STAT3: variants seen among roughly 807,000 people sequenced by gnomAD.
The protein encoded by STAT3 is signal transducer and activator of transcription 3.
A neutral mutation model predicts 114.3 loss-of-function variants in STAT3; 7 were observed. The ratio of observed to expected loss-of-function variants is 0.06; its 90% CI spans 0.03 to 0.11. The LOEUF is 0.11. STAT3 is among the 10% of genes least tolerant of loss of function. The pLI is 1.00. For synonymous variants in STAT3, 331 were observed against 354.5 expected (o/e 0.93, Z 0.74); for missense variants, 364 against 960.9 (o/e 0.38, Z 8.21).
chr17:42,341,376 C>T (rs1044277246), intron 4 of STAT3, among the ~76,000 whole-genome samples: 5 of 152,258 alleles, frequency 3.3e-5, no homozygotes, highest in African/African-American at 9.6e-5. Context: ...CACTCTCTTC[C>T]CACCCGCTAT....
At position 42,346,443 on chromosome 17, in the gene STAT3, G is replaced by A. The variant is rs2291281; in HGVS notation, c.273+126C>T. 4.0e-4 allele frequency: 565 copies of A among 1,402,786 alleles called. 6 individuals are homozygous for A. In the East Asian group the frequency reaches 0.013, roughly 31 times the overall value. The allele number at this position is 1,402,786 out of a possible 1,614,324, so 86.9% of individuals were successfully genotyped here. A position where few individuals can be genotyped will look rare whatever the true frequency, so the allele number is the denominator to read the frequency against. ...TGAGAAAGGGCTAATTACTTCTCCT[G>A]TGATTGAAAATACAAGATAGATTCT... is the stretch of plus-strand genomic sequence containing the variant. On this transcript the variant is annotated intron_variant, in intron 3 of 23. Coordinates refer to ENST00000264657, the MANE Select transcript of STAT3 (RefSeq NM_139276.3).
chr17:42,363,742 G>A (rs1242163949), intron 1 of STAT3, among the ~76,000 whole-genome samples: 2 of 151,890 alleles, frequency 1.3e-5, no homozygotes, highest in African/African-American at 4.8e-5. Flanking sequence ...ATGAGCCATG[G>A]CACCCAGCCT....
intron 1 of STAT3, among the ~76,000 whole-genome samples, chr17:42,351,245 ATTAT>A (rs1226892736): frequency 3.3e-5 from 5 of 151,864 alleles, no homozygotes; most frequent in Admixed American, 6.6e-5. Flanking sequence ...AAAACATATT[ATTAT>A]TTATTTATTT....
chr17:42,386,659 T>C (rs959572900), intron 1 of STAT3, among the ~76,000 whole-genome samples: 1 of 152,116 alleles, frequency 6.6e-6, no homozygotes, highest in Non-Finnish European at 1.5e-5. Context: ...AGCCTTCAAT[T>C]AGCTGGGATC....
intron 1 of STAT3, among the ~76,000 whole-genome samples, chr17:42,385,526 A>G (rs2085055243): frequency 1.4e-5 from 2 of 144,490 alleles, no homozygotes; most frequent in Non-Finnish European, 1.5e-5. Flanking sequence ...AAAAAAAAAA[A>G]GTATATATTT....
At chr17:42,372,530 A>G (rs2084208041) in intron 1 of STAT3, among the ~76,000 whole-genome samples, 1 of 152,224 alleles carries the variant, frequency 6.6e-6, no homozygotes, top group Non-Finnish European at 1.5e-5. Context: ...ATAAAAGATC[A>G]GTGGTTGCCA....
rs1567722673 is a variant in STAT3 at position 42,338,541 on chromosome 17, G to GGACCTGAGGGAATACTCCTT, written c.550+189_550+190insAAGGAGTATTCCCTCAGGTC. ...CTCCTTGACCTGAGGGAATACTCCT[G>GGACCTGAGGGAATACTCCTT]GACCTGAGGGAATACTCCTGGACCT... On this transcript the variant is annotated intron_variant, in intron 6 of 23. Coordinates refer to ENST00000264657, the MANE Select transcript of STAT3 (RefSeq NM_139276.3). 1.3e-3 allele frequency among the ~76,000 whole-genome samples: 47 copies of GGACCTGAGGGAATACTCCTT among 36,372 alleles called. 8 individuals carry two copies. Among genetic ancestry groups the GGACCTGAGGGAATACTCCTT allele is most frequent in the Non-Finnish European group, 4.5e-3 (41 of 9,168 alleles). The allele number at this position is 36,372 out of a possible 152,430, so 23.9% of individuals were successfully genotyped here.
At chr17:42,315,983 G>A in intron 23 of STAT3, 183 bp from the exon 24 acceptor site, 2 of 1,472,824 alleles carry the variant, frequency 1.4e-6, no homozygotes, top group Non-Finnish European at 1.8e-6. Context: ...CCTGCCTCGG[G>A]AAGGGTCCTT....
At chr17:42,378,586 G>A (rs946087826) in intron 1 of STAT3, among the ~76,000 whole-genome samples, 1 of 152,178 alleles carries the variant, frequency 6.6e-6, no homozygotes, top group East Asian at 1.9e-4. Context: ...TTCAATAAAT[G>A]TGCTTTCCCT....
intron 1 of STAT3, among the ~76,000 whole-genome samples, chr17:42,381,676 G>A (rs1203095343): frequency 1.3e-5 from 2 of 149,720 alleles, no homozygotes; most frequent in Non-Finnish European, 2.9e-5. Context: ...AGCTTGCAAT[G>A]AGCCAAGATA....
intron 4 of STAT3, among the ~76,000 whole-genome samples, chr17:42,342,709 G>A (rs79731463): frequency 3.4e-3 from 511 of 152,238 alleles, no homozygotes; most frequent in African/African-American, 0.012. Context: ...TAAGGTTACA[G>A]AGCAAGTGGC....
chr17:42,370,889 G>A (rs1478635794), intron 1 of STAT3, among the ~76,000 whole-genome samples: 3 of 152,116 alleles, frequency 2.0e-5, no homozygotes, highest in South Asian at 2.1e-4. Flanking sequence ...GATTACAGGC[G>A]TGAGCCACCA....
chr17:42,356,291 A>G (rs1360523666), intron 1 of STAT3, among the ~76,000 whole-genome samples: 1 of 152,042 alleles, frequency 6.6e-6, no homozygotes, highest in Non-Finnish European at 1.5e-5. Context: ...CCATCCCACT[A>G]TGCAGAACAA....
chr17:42,368,590 G>A (rs762892194), intron 1 of STAT3, among the ~76,000 whole-genome samples: 1 of 152,098 alleles, frequency 6.6e-6, no homozygotes, highest in African/African-American at 2.4e-5. Context: ...CTCCCTGGTA[G>A]CTGGGACTGC....
chr17:42,352,487 C>T (rs533171667), intron 1 of STAT3, among the ~76,000 whole-genome samples: 1 of 152,108 alleles, frequency 6.6e-6, no homozygotes, highest in East Asian at 1.9e-4. Context: ...AGCATTGTAA[C>T]CATGGCATGT....
chr17:42,378,707 C>T (rs1178246200), intron 1 of STAT3, among the ~76,000 whole-genome samples: 4 of 152,042 alleles, frequency 2.6e-5, no homozygotes, highest in Admixed American at 2.0e-4. Context: ...ATTCAAAGGC[C>T]GACTATTTCA....
chr17:42,346,179 T>C (rs2082692837), intron 3 of STAT3, among the ~76,000 whole-genome samples: 1 of 152,186 alleles, frequency 6.6e-6, no homozygotes, highest in Non-Finnish European at 1.5e-5. Context: ...ATGCCTGGCC[T>C]TGTCTGAGTC....
chr17:42,330,380 T>C (rs537043229), intron 11 of STAT3, among the ~76,000 whole-genome samples: 6 of 152,048 alleles, frequency 3.9e-5, no homozygotes, highest in African/African-American at 1.2e-4. Flanking sequence ...CCTCCCAAAG[T>C]GCTGAGATTA....
chr17:42,359,217 A>G (rs1364863030), intron 1 of STAT3, among the ~76,000 whole-genome samples: 1 of 151,998 alleles, frequency 6.6e-6, no homozygotes, highest in Non-Finnish European at 1.5e-5. Context: ...TTACAGGCGT[A>G]AAGCCACCGC....
Sources: gnomAD v4.1 joint callset for allele counts (sites outside exome capture counted in the v4.1 genomes callset) on GRCh38, gnomAD v4.1.1 for gene constraint, MANE v1.5 for transcripts, NCBI Gene and HGNC (gene_info 2026-07-23, HGNC 2026-07-21) for gene names.